BMPR1B: variants seen among roughly 807,000 people sequenced by gnomAD.
The protein encoded by BMPR1B is bone morphogenetic protein receptor type-1B.
A neutral mutation model predicts 59.1 loss-of-function variants in BMPR1B; 12 were observed. The ratio of observed to expected loss-of-function variants is 0.20; its 90% CI spans 0.13 to 0.33. BMPR1B has a LOEUF of 0.33. Among genes scored for constraint, BMPR1B ranks in the 10% least tolerant of loss-of-function variants. BMPR1B has a pLI of 1.00. For missense variants in BMPR1B, 550 were observed against 610.9 expected, an observed-to-expected ratio of 0.90 and a Z score of 1.05; for synonymous variants, 237 against 207.3, an observed-to-expected ratio of 1.14 and a Z score of -1.23.
At chr4:94,831,868 CT>C (rs764639265) in intron 1 of BMPR1B, among the ~76,000 whole-genome samples, 9 of 152,110 alleles carry the variant, frequency 5.9e-5, no homozygotes, top group Admixed American at 1.3e-4. Context: ...ATTGCGAACC[CT>C]ACTGTGAACA....
chr4:94,976,509 A>T (rs1731039255), intron 2 of BMPR1B, among the ~76,000 whole-genome samples: 2 of 151,964 alleles, frequency 1.3e-5, no homozygotes, highest in Non-Finnish European at 2.9e-5. Flanking sequence ...TGCAAAATAC[A>T]CTCATTTCTG....
chr4:94,931,201 G>A (rs1045272524), intron 2 of BMPR1B, among the ~76,000 whole-genome samples: 13 of 152,010 alleles, frequency 8.6e-5, no homozygotes, highest in African/African-American at 2.2e-4. Flanking sequence ...GAGGACAAAT[G>A]CATTTTTAAA....
At chr4:94,801,595 A>G (rs989462548) in intron 1 of BMPR1B, among the ~76,000 whole-genome samples, 1 of 152,216 alleles carries the variant, frequency 6.6e-6, no homozygotes, top group Non-Finnish European at 1.5e-5. Flanking sequence ...CTTCATGACT[A>G]CTATCTATAG....
chr4:94,764,243 C>T lies in BMPR1B; in HGVS notation c.-183+6175C>T, dbSNP rs1003949647. 4.6e-5 allele frequency among the ~76,000 whole-genome samples: 7 copies of T among 152,198 alleles called. No homozygotes were observed. In the South Asian group the frequency reaches 6.2e-4, roughly 14 times the overall value. ...ATGAACAACTTTGACTTCCAAAAAA[C>T]GTAGGTCACTGGGGAGCCACAGCAG... On this transcript the variant is annotated intron_variant, in intron 1 of 12. Transcript: ENST00000515059.
intron 3 of BMPR1B, among the ~76,000 whole-genome samples, chr4:95,015,682 C>T (rs944476382): frequency 4.7e-5 from 7 of 150,500 alleles, no homozygotes; most frequent in Non-Finnish European, 8.9e-5. Flanking sequence ...ATCACCATGC[C>T]TAGCCTGGAA....
chr4:95,047,315 G>C (rs939916302), intron 3 of BMPR1B, among the ~76,000 whole-genome samples: 12 of 152,118 alleles, frequency 7.9e-5, no homozygotes, highest in Admixed American at 2.6e-4. Flanking sequence ...TTTGCACTTA[G>C]TCATCATGTC....
intron 2 of BMPR1B, among the ~76,000 whole-genome samples, chr4:94,882,967 CGTGTGTGTGTATGTGTGTGTGTGT>C (rs1004667585): frequency 1.5e-5 from 2 of 136,716 alleles, no homozygotes; most frequent in Admixed American, 7.6e-5. Flanking sequence ...TGTGTGTGTG[CGTGTGTGTGTATGTGTGTGTGTGT>C]GTGTGTGTGT....
rs572954394 is a variant in BMPR1B at position 94,857,893 on chromosome 4, C to T, written c.-182-17938C>T. On this transcript the variant is annotated intron_variant, in intron 1 of 12. Coordinates refer to ENST00000515059, the MANE Select transcript of BMPR1B (RefSeq NM_001203.3). ...ATGACAAAAATATATTTTTGAAAAA[C>T]ATATGTTTATGTAAAATGGAAGTAA... 1.6e-4 allele frequency among the ~76,000 whole-genome samples: 25 copies of T among 152,190 alleles called. No homozygotes were observed. In the South Asian group the frequency reaches 5.0e-3, roughly 30 times the overall value.
At chr4:94,787,952 A>G (rs1328024131) in intron 1 of BMPR1B, among the ~76,000 whole-genome samples, 1 of 152,166 alleles carries the variant, frequency 6.6e-6, no homozygotes, top group African/African-American at 2.4e-5. Context: ...TGGAATAAAT[A>G]TTCAGTAAAA....
At chr4:95,009,060 T>G (rs561743527) in intron 3 of BMPR1B, among the ~76,000 whole-genome samples, 1 of 151,794 alleles carries the variant, frequency 6.6e-6, no homozygotes, top group Non-Finnish European at 1.5e-5. Flanking sequence ...CTGTCTCTCT[T>G]AGAAAAAAAA....
chr4:95,051,798 C>T (rs1409566741), intron 3 of BMPR1B: 5 of 1,531,492 alleles, frequency 3.3e-6, no homozygotes, highest in Non-Finnish European at 4.4e-6. Context: ...CCCTCCACTA[C>T]AGTGCTGATG....
intron 1 of BMPR1B, among the ~76,000 whole-genome samples, chr4:94,840,520 C>A (rs537112285): frequency 6.8e-6 from 1 of 146,930 alleles, no homozygotes; most frequent in African/African-American, 2.5e-5. Flanking sequence ...ATTTCACCTT[C>A]CATTGCTGAT....
chr4:95,091,394 C>A (rs1729977146), intron 3 of BMPR1B: 3 of 902,420 alleles, frequency 3.3e-6, no homozygotes, highest in Non-Finnish European at 4.0e-6. Context: ...GGAATAATGT[C>A]TCTTGCCAGC....
chr4:94,810,176 A>G (rs558625629), intron 1 of BMPR1B, among the ~76,000 whole-genome samples: 1 of 152,292 alleles, frequency 6.6e-6, no homozygotes, highest in South Asian at 2.1e-4. Flanking sequence ...TTAGCATTCC[A>G]CATATTGGCA....
intron 2 of BMPR1B, among the ~76,000 whole-genome samples, chr4:94,982,510 G>A (rs1721144589): frequency 6.6e-6 from 1 of 152,174 alleles, no homozygotes; most frequent in Non-Finnish European, 1.5e-5. Flanking sequence ...AAGAATACTG[G>A]CATCTGCCTT....
At chr4:94,939,471 G>A (rs1434838380) in intron 2 of BMPR1B, among the ~76,000 whole-genome samples, 3 of 152,220 alleles carry the variant, frequency 2.0e-5, no homozygotes, top group Middle Eastern at 3.4e-3. Context: ...AAGCTTGAGG[G>A]TCCATTGTAT....
intron 1 of BMPR1B, among the ~76,000 whole-genome samples, chr4:94,760,892 C>T (rs1227328205): frequency 1.3e-5 from 2 of 152,118 alleles, no homozygotes; most frequent in African/African-American, 4.8e-5. Context: ...AAGGAAAATA[C>T]TTAAGAATAG....
At chr4:94,961,661 A>G (rs1233716162) in intron 2 of BMPR1B, among the ~76,000 whole-genome samples, 2 of 152,192 alleles carry the variant, frequency 1.3e-5, no homozygotes, top group Non-Finnish European at 2.9e-5. Flanking sequence ...AAAAACTTGC[A>G]GTGACTGTTT....
chr4:94,978,989 GAGT>G (rs1295152642), intron 2 of BMPR1B, among the ~76,000 whole-genome samples: 1 of 150,642 alleles, frequency 6.6e-6, no homozygotes, highest in Non-Finnish European at 1.5e-5. Flanking sequence ...CGAAAGGTAA[GAGT>G]AGAAGTTGTC....
Sources: allele counts gnomAD v4.1 joint callset (sites outside exome capture counted in the v4.1 genomes callset), GRCh38; gene constraint gnomAD v4.1.1; transcripts MANE v1.5; gene names NCBI Gene and HGNC (gene_info 2026-07-23, HGNC 2026-07-21).